Variants in KANK1 observed in about 807,000 individuals in gnomAD.
The protein encoded by KANK1 is KN motif and ankyrin repeat domain-containing protein 1.
Under a neutral mutation model 106.2 loss-of-function variants are expected in KANK1, and 109 were observed. The ratio of observed to expected loss-of-function variants is 1.03; its 90% CI spans 0.88 to 1.20. KANK1 has a LOEUF of 1.20. Ranked by LOEUF, KANK1 falls within the 50% of genes most tolerant of loss-of-function variation. The probability of loss-of-function intolerance (pLI) is 0.00; values close to 1 mark genes in which losing one functional copy is unlikely to be tolerated. For missense variants in KANK1, 2,399 were observed against 1,710.7 expected, an observed-to-expected ratio of 1.40 and a Z score of -7.10; for synonymous variants, 873 against 652.2, an observed-to-expected ratio of 1.34 and a Z score of -5.16.
At chr9:560,213 G>T (rs28436256) in intron 1 of KANK1, among the ~76,000 whole-genome samples, 6 of 152,012 alleles carry the variant, frequency 3.9e-5, no homozygotes, top group Non-Finnish European at 7.4e-5. Context: ...ATTGGAGAGA[G>T]AATTTGGGTA....
At chr9:564,751 C>G (rs1447540571) in intron 1 of KANK1, among the ~76,000 whole-genome samples, 2 of 152,200 alleles carry the variant, frequency 1.3e-5, no homozygotes, top group Non-Finnish European at 2.9e-5. Flanking sequence ...CTGTTAACTG[C>G]TTATTCTCTG....
At chr9:601,169 C>T (rs1010973245) in intron 1 of KANK1, among the ~76,000 whole-genome samples, 2 of 151,816 alleles carry the variant, frequency 1.3e-5, no homozygotes, top group African/African-American at 4.9e-5. Context: ...TAGTACGGGG[C>T]TCCCATACCC....
intron 1 of KANK1, among the ~76,000 whole-genome samples, chr9:622,816 G>A (rs558100277): frequency 2.0e-5 from 3 of 151,996 alleles, no homozygotes; most frequent in South Asian, 4.2e-4. Context: ...GCAGGAGAAT[G>A]GCTTGAACCT....
intron 1 of KANK1, among the ~76,000 whole-genome samples, chr9:654,914 C>G (rs1158866594): frequency 6.6e-6 from 1 of 151,986 alleles, no homozygotes; most frequent in Non-Finnish European, 1.5e-5. Context: ...GATGGTGATG[C>G]TGCTGATCTC....
chr9:744,932 C>T, intron 11 of KANK1: 1 of 1,433,148 alleles, frequency 7.0e-7, no homozygotes, highest in East Asian at 2.5e-5. Context: ...GGCAGGCAGC[C>T]TGTAGTCCAC....
rs144445123 is a variant in KANK1, at chr9:559,980, G to A, written c.-84+55226G>A. Reference sequence around the variant, plus strand: ...TTGTAGTTACGTGTCATCCTTCTTCGTCTTAGAAGAGAAGTTTCCATCTGA... The same window carrying A: ...TTGTAGTTACGTGTCATCCTTCTTCATCTTAGAAGAGAAGTTTCCATCTGA... On this transcript the variant is annotated intron_variant, in intron 1 of 11. Transcript: ENST00000382297. Among the ~76,000 whole-genome samples, 801 of 152,146 alleles carry A rather than the reference G, an allele frequency of 5.3e-3. 13 individuals carry two copies. Among genetic ancestry groups the A allele is most frequent in the South Asian group, 0.041 (197 of 4,814 alleles).
chr9:625,095 C>T (rs1246449264), intron 1 of KANK1, among the ~76,000 whole-genome samples: 1 of 152,192 alleles, frequency 6.6e-6, no homozygotes, highest in Non-Finnish European at 1.5e-5. Flanking sequence ...CAGCAGTTAG[C>T]ACCGTTAGCG....
At chr9:476,640 T>A (rs2058109547) in intron 3 of KANK1, 1 of 152,234 alleles carries the variant, frequency 6.6e-6, no homozygotes, top group African/African-American at 2.4e-5. Context: ...CTTTACCGTC[T>A]TTCCTGCCCA....
intron 3 of KANK1, among the ~76,000 whole-genome samples, chr9:717,338 A>C (rs1355232940): frequency 1.3e-5 from 2 of 152,130 alleles, no homozygotes; most frequent in Non-Finnish European, 2.9e-5. Flanking sequence ...CATATAATAA[A>C]AGAGTTAAAG....
intron 1 of KANK1, among the ~76,000 whole-genome samples, chr9:639,875 G>A (rs1043294668): frequency 2.6e-5 from 4 of 152,150 alleles, no homozygotes; most frequent in Non-Finnish European, 5.9e-5. Context: ...CATGGCAGAT[G>A]GGCAAAAGAG....
intron 3 of KANK1, among the ~76,000 whole-genome samples, chr9:483,975 TA>T (rs1378394852): frequency 6.6e-6 from 1 of 152,198 alleles, no homozygotes; most frequent in Non-Finnish European, 1.5e-5. Context: ...TTAAAAATAA[TA>T]ATTACTACCA....
At chr9:487,770 C>T (rs933480784) in intron 3 of KANK1, 1 of 152,180 alleles carries the variant, frequency 6.6e-6, no homozygotes, top group Admixed American at 6.5e-5. Context: ...GCAAATTATT[C>T]TAGGCATGTC....
At chr9:551,360 G>A (rs556509574) in intron 1 of KANK1, among the ~76,000 whole-genome samples, 4 of 152,126 alleles carry the variant, frequency 2.6e-5, no homozygotes, top group African/African-American at 9.6e-5. Context: ...TTTTATAGGC[G>A]TGATTCCCAA....
intron 1 of KANK1, among the ~76,000 whole-genome samples, chr9:672,147 A>C (rs906118660): frequency 1.3e-5 from 2 of 152,196 alleles, no homozygotes; most frequent in Non-Finnish European, 2.9e-5. Context: ...CAAGAGCCCT[A>C]GGGCTGAATT....
Position 603,780 on chromosome 9 carries a change from ACCCAC to A in KANK1, c.-83-73106_-83-73102del, listed in dbSNP as rs1233628672. Reference sequence around the variant, plus strand: ...AGACCAGTCTGGCCAATGTGGCGAAACCCACCCCGTCTCTACTAAAAATACAAAAA... The same window carrying A: ...AGACCAGTCTGGCCAATGTGGCGAAACCCGTCTCTACTAAAAATACAAAAA... On this transcript the variant is annotated intron_variant, in intron 1 of 11. Coordinates refer to ENST00000382297, the MANE Select transcript of KANK1 (RefSeq NM_015158.5). Among the ~76,000 whole-genome samples, 78 of 151,140 alleles carry A rather than the reference ACCCAC, an allele frequency of 5.2e-4. 1 individual carries two copies. Among genetic ancestry groups the A allele is most frequent in the Non-Finnish European group, 6.0e-4 (41 of 67,854 alleles).
intron 1 of KANK1, among the ~76,000 whole-genome samples, chr9:626,316 G>A (rs1175229573): frequency 2.6e-5 from 4 of 152,026 alleles, no homozygotes; most frequent in African/African-American, 7.3e-5. Flanking sequence ...TTAGCCAGGC[G>A]TGGTGGTACA....
chr9:551,239 G>A (rs73371039), intron 1 of KANK1, among the ~76,000 whole-genome samples: 1,826 of 151,588 alleles, frequency 0.012, 38 homozygotes, highest in African/African-American at 0.041. Context: ...GCAAGCAGAA[G>A]ACACACACAT....
chr9:634,896 A>G (rs1010662783), intron 1 of KANK1, among the ~76,000 whole-genome samples: 2 of 152,224 alleles, frequency 1.3e-5, no homozygotes, highest in Admixed American at 1.3e-4. Context: ...ATGCACTGGT[A>G]CATCCTGAGA....
intron 1 of KANK1, among the ~76,000 whole-genome samples, chr9:627,070 G>T (rs1834526720): frequency 6.6e-6 from 1 of 152,086 alleles, no homozygotes; most frequent in Non-Finnish European, 1.5e-5. Flanking sequence ...AAAGGTGGGG[G>T]TTGGACAACA....
Sources: gnomAD v4.1 joint callset for allele counts (sites outside exome capture counted in the v4.1 genomes callset) on GRCh38, gnomAD v4.1.1 for gene constraint, MANE v1.5 for transcripts, NCBI Gene and HGNC (gene_info 2026-07-23, HGNC 2026-07-21) for gene names.